PDE4D: variants seen among roughly 807,000 people sequenced by gnomAD.
The protein encoded by PDE4D is phosphodiesterase 4D.
In PDE4D, 24 loss-of-function variants were observed where a neutral mutation model predicts 87.4. The ratio of observed to expected loss-of-function variants is 0.27; its 90% CI spans 0.20 to 0.39. The LOEUF is 0.39. PDE4D is among the 10% of genes least tolerant of loss of function. The pLI is 1.00. For missense variants in PDE4D, 714 were observed against 1,041.0 expected, an observed-to-expected ratio of 0.69 and a Z score of 4.32; for synonymous variants, 384 against 383.2, an observed-to-expected ratio of 1.00 and a Z score of -0.02.
intron 1 of PDE4D, among the ~76,000 whole-genome samples, chr5:59,783,801 T>A (rs1764862652): frequency 6.6e-6 from 1 of 152,192 alleles, no homozygotes. Context: ...GCATGGTGGC[T>A]CACACCTGTA....
chr5:59,836,243 C>T (rs1173739247), intron 1 of PDE4D, among the ~76,000 whole-genome samples: 4 of 151,928 alleles, frequency 2.6e-5, no homozygotes, highest in African/African-American at 9.7e-5. Flanking sequence ...TAGCACAGTA[C>T]TTTATTATTT....
intron 5 of PDE4D, among the ~76,000 whole-genome samples, chr5:59,114,983 T>G (rs1396815260): frequency 6.6e-6 from 1 of 151,908 alleles, no homozygotes; most frequent in East Asian, 1.9e-4. Context: ...AGATACAGGA[T>G]CAAAGAGGAA....
intron 6 of PDE4D, chr5:58,999,849 C>T: frequency 2.0e-6 from 2 of 988,640 alleles, no homozygotes; most frequent in Non-Finnish European, 2.4e-6. Context: ...CTCTCCCGAG[C>T]TCCAGGGCTT....
chr5:59,670,100 T>C (rs893808834), intron 1 of PDE4D, among the ~76,000 whole-genome samples: 2 of 152,180 alleles, frequency 1.3e-5, no homozygotes, highest in African/African-American at 2.4e-5. Flanking sequence ...GAATGTAACA[T>C]AGCATTATGG....
intron 5 of PDE4D, among the ~76,000 whole-genome samples, chr5:59,077,805 C>T (rs1765969357): frequency 6.6e-6 from 1 of 152,104 alleles, no homozygotes; most frequent in African/African-American, 2.4e-5. Flanking sequence ...TCCCCCACTC[C>T]AAGACAGCAA....
At chr5:59,356,377 C>T (rs1209376650) in intron 1 of PDE4D, among the ~76,000 whole-genome samples, 1 of 152,112 alleles carries the variant, frequency 6.6e-6, no homozygotes, top group Non-Finnish European at 1.5e-5. Context: ...TGCATGTGCC[C>T]TGAAACACTT....
chr5:59,429,669 TGAA>T (rs936948436), intron 1 of PDE4D, among the ~76,000 whole-genome samples: 7 of 152,176 alleles, frequency 4.6e-5, no homozygotes, highest in African/African-American at 1.7e-4. Flanking sequence ...TGTTAATTGC[TGAA>T]GAAAATGACG....
chr5:59,574,364 T>G lies in PDE4D; in HGVS notation c.455+318804A>C, dbSNP rs1018258384. Among the ~76,000 whole-genome samples the G allele has an allele frequency of 3.6e-4, 54 of 151,274 alleles. 1 individual carries two copies. The highest frequency in any genetic ancestry group is 1.9e-4 in the Non-Finnish European group (13 of 67,930). Reference sequence around the variant, plus strand: ...TGCACATATAACTTTGTTGGTTGTCTTAAATGCTGCCTGGGAAAAGCTGCG... The same window carrying G: ...TGCACATATAACTTTGTTGGTTGTCGTAAATGCTGCCTGGGAAAAGCTGCG... On this transcript the variant is annotated intron_variant, in intron 1 of 14. Coordinates refer to ENST00000340635, the MANE Select transcript of PDE4D (RefSeq NM_001104631.2).
Position 59,677,915 on chromosome 5 carries a change from T to C in PDE4D, c.455+215253A>G, listed in dbSNP as rs566834297. On this transcript the variant is annotated intron_variant, in intron 1 of 14. Transcript: ENST00000340635. ...ATACTTCTCTGTAAGTTTATGATTA[T>C]CTCCTCCATTAAATTTTTAATTCTT... is the stretch of plus-strand genomic sequence containing the variant. Among the ~76,000 whole-genome samples, 14 of 152,320 alleles carry C rather than the reference T, an allele frequency of 9.2e-5. No individual in the cohort carries two copies. In the South Asian group the frequency reaches 2.9e-3, roughly 32 times the overall value.
chr5:60,336,278 G>A (rs1757744863), intron 1 of PDE4D, among the ~76,000 whole-genome samples: 1 of 152,148 alleles, frequency 6.6e-6, no homozygotes, highest in South Asian at 2.1e-4. Flanking sequence ...AAGCCCTTTT[G>A]TTCCAATAAT....
At chr5:59,271,728 G>A (rs1285667895) in intron 1 of PDE4D, among the ~76,000 whole-genome samples, 1 of 152,032 alleles carries the variant, frequency 6.6e-6, no homozygotes, top group Non-Finnish European at 1.5e-5. Context: ...TATAACCTGA[G>A]CAAATTGTGG....
intron 1 of PDE4D, among the ~76,000 whole-genome samples, chr5:59,403,625 C>A (rs935614906): frequency 1.3e-5 from 2 of 152,108 alleles, no homozygotes; most frequent in Non-Finnish European, 2.9e-5. Context: ...CATGTTGTTG[C>A]AAATGACAGG....
chr5:59,516,459 G>A (rs543255925), intron 1 of PDE4D, among the ~76,000 whole-genome samples: 19 of 152,310 alleles, frequency 1.2e-4, no homozygotes, highest in Admixed American at 9.2e-4. Context: ...ATGTATGGAC[G>A]AAGATAACAG....
chr5:59,566,232 C>T (rs550264914), intron 1 of PDE4D, among the ~76,000 whole-genome samples: 4 of 152,286 alleles, frequency 2.6e-5, no homozygotes, highest in African/African-American at 7.2e-5. Flanking sequence ...TGATCCATCA[C>T]TGTCAGGGTG....
intron 1 of PDE4D, among the ~76,000 whole-genome samples, chr5:59,791,068 G>T (rs777080796): frequency 6.6e-6 from 1 of 152,190 alleles, no homozygotes; most frequent in Non-Finnish European, 1.5e-5. Flanking sequence ...CACAGACTCA[G>T]AGTCCTGACA....
chr5:59,949,434 C>CAAAAAAAAAA (rs59654913), intron 3 of PDE4D, among the ~76,000 whole-genome samples: 2 of 57,592 alleles, frequency 3.5e-5, no homozygotes, highest in Non-Finnish European at 3.7e-5. Context: ...CTCCGTCTCA[C>CAAAAAAAAAA]AAAAAAAAAA....
At chr5:60,085,656 G>A (rs940470319) in intron 2 of PDE4D, among the ~76,000 whole-genome samples, 4 of 152,178 alleles carry the variant, frequency 2.6e-5, no homozygotes, top group African/African-American at 9.7e-5. Flanking sequence ...TACTCATGAC[G>A]AGGTGAGTCT....
chr5:59,235,190 A>G (rs570577634), intron 1 of PDE4D, among the ~76,000 whole-genome samples: 11 of 152,288 alleles, frequency 7.2e-5, no homozygotes, highest in Admixed American at 3.9e-4. Context: ...GACCACATGA[A>G]AAAAATCTCT....
At chr5:59,472,796 G>T (rs1048586916) in intron 1 of PDE4D, among the ~76,000 whole-genome samples, 5 of 151,766 alleles carry the variant, frequency 3.3e-5, no homozygotes, top group Admixed American at 6.6e-5. Context: ...TTTTACAAAG[G>T]GATTAAAAGT....
Sources: allele counts gnomAD v4.1 joint callset (sites outside exome capture counted in the v4.1 genomes callset), GRCh38; gene constraint gnomAD v4.1.1; transcripts MANE v1.5; gene names NCBI Gene and HGNC (gene_info 2026-07-23, HGNC 2026-07-21).